The following SNX13 variants were observed in gnomAD, a reference collection of about 807,000 sequenced individuals.
The protein encoded by SNX13 is sorting nexin 13.
A neutral mutation model predicts 133.6 loss-of-function variants in SNX13; 45 were observed. The observed-to-expected ratio is 0.34, with a 90% CI of 0.27 to 0.43. The LOEUF is 0.43. Among genes scored for constraint, SNX13 ranks in the 20% least tolerant of loss-of-function variants. The pLI is 1.00. For synonymous variants in SNX13, 414 were observed against 373.9 expected, an observed-to-expected ratio of 1.11 and a Z score of -1.24; for missense variants, 1,032 against 1,145.1, an observed-to-expected ratio of 0.90 and a Z score of 1.43.
chr7:17,875,566 A>C lies in SNX13; in HGVS notation c.578T>G (p.Leu193Arg). 6.2e-7 allele frequency: 1 copy of C among 1,612,114 alleles called. No individual in the cohort carries two copies. The highest frequency in any genetic ancestry group is 8.5e-7 in the Non-Finnish European group (1 of 1,179,578). Reference sequence around the variant, plus strand: ...TTCAACTTCAAAGAAGGTATCTACAAGATCTTCTGCTGTACCTAAAGAAAA... The same window carrying C: ...TTCAACTTCAAAGAAGGTATCTACACGATCTTCTGCTGTACCTAAAGAAAA... Reference protein sequence around the residue: ...DDQVKGTAEDLVDTFFEVEVE... With the variant: ...DDQVKGTAEDRVDTFFEVEVE... The change falls in exon 7 of 26, where the codon CTT (leucine) becomes CGT (arginine). Residue 193 changes from leucine to arginine, a missense_variant. Transcript: ENST00000428135.
At chr7:17,922,756 T>C (rs1800266688) in intron 1 of SNX13, among the ~76,000 whole-genome samples, 1 of 91,930 alleles carries the variant, frequency 1.1e-5, no homozygotes, top group African/African-American at 6.7e-5. Context: ...CAAAAACTAC[T>C]GGGAAAAAAA....
chr7:17,847,152 C>G (rs1166297566), intron 11 of SNX13, among the ~76,000 whole-genome samples: 2 of 152,106 alleles, frequency 1.3e-5, no homozygotes, highest in Non-Finnish European at 2.9e-5. Flanking sequence ...AAGAAAAGCA[C>G]AAGTGAAACC....
At chr7:17,820,795 CTGAA>C (rs1160571527) in intron 18 of SNX13, among the ~76,000 whole-genome samples, 4 of 152,004 alleles carry the variant, frequency 2.6e-5, no homozygotes, top group African/African-American at 9.7e-5. Flanking sequence ...CCTAAAATCC[CTGAA>C]TGAGTCAGAC....
intron 20 of SNX13, among the ~76,000 whole-genome samples, chr7:17,806,232 T>A (rs886766957): frequency 6.6e-6 from 1 of 152,078 alleles, no homozygotes; most frequent in Non-Finnish European, 1.5e-5. Flanking sequence ...CAAAACTGGA[T>A]AGAAAGATAC....
chr7:17,834,866 CT>C lies in SNX13; in HGVS notation c.1360-2del. The C allele has an allele frequency of 6.4e-7, 1 of 1,561,310 alleles. No homozygotes were observed. Among genetic ancestry groups the C allele is most frequent in the Non-Finnish European group, 8.8e-7 (1 of 1,137,140 alleles). On this transcript the variant is annotated splice_acceptor_variant, in intron 13 of 25. Coordinates refer to ENST00000428135, the MANE Select transcript of SNX13 (RefSeq NM_015132.5). LOFTEE classifies it high-confidence loss of function. ...CATCAACAGTAACTCTTGGAGATGC[CT>C]AACAGAGAAAAATAATAGTAATGAT...
chr7:17,832,078 T>C, intron 15 of SNX13: 3 of 982,824 alleles, frequency 3.1e-6, no homozygotes, highest in South Asian at 4.7e-5. Context: ...TACATAAGTA[T>C]ATAATCTCAA....
At chr7:17,801,026 A>ATATATG (rs1554302631) in intron 22 of SNX13, among the ~76,000 whole-genome samples, 2 of 16,938 alleles carry the variant, frequency 1.2e-4, no homozygotes, top group African/African-American at 3.1e-4. Context: ...ATATATATAT[A>ATATATG]TATATATATA....
At chr7:17,853,462 G>C (rs1367572817) in intron 9 of SNX13, among the ~76,000 whole-genome samples, 1 of 152,176 alleles carries the variant, frequency 6.6e-6, no homozygotes, top group African/African-American at 2.4e-5. Context: ...ATTACATAGA[G>C]GGGATCAATT....
chr7:17,839,042 ATAT>A lies in SNX13; in HGVS notation c.1359+762_1359+764del, dbSNP rs559891532. 5.8e-3 allele frequency among the ~76,000 whole-genome samples: 867 copies of A among 149,832 alleles called. 2 individuals carry two copies. Among genetic ancestry groups the A allele is most frequent in the Non-Finnish European group, 9.6e-3 (649 of 67,414 alleles). The stretch of plus-strand genomic sequence containing the variant: ...TTGTTATTAGATTAGAATTATTACA[ATAT>A]TATTAGATTACATTATTAGAATACA... On this transcript the variant is annotated intron_variant, in intron 13 of 25. Coordinates refer to ENST00000428135, the MANE Select transcript of SNX13 (RefSeq NM_015132.5).
At chr7:17,861,418 C>T (rs1019024924) in intron 9 of SNX13, among the ~76,000 whole-genome samples, 1 of 151,486 alleles carries the variant, frequency 6.6e-6, no homozygotes, top group Non-Finnish European at 1.5e-5. Context: ...CAGCCCACAC[C>T]AGGAAGAGGC....
intron 1 of SNX13, among the ~76,000 whole-genome samples, chr7:17,898,609 A>G (rs943228256): frequency 2.1e-4 from 32 of 152,212 alleles, no homozygotes; most frequent in Non-Finnish European, 4.3e-4. Context: ...ATAAGTTTAC[A>G]TTCCAGAAGT....
At chr7:17,889,408 A>G (rs1044779874) in intron 5 of SNX13, 5 of 152,168 alleles carry the variant, frequency 3.3e-5, no homozygotes, top group Admixed American at 1.3e-4. Flanking sequence ...ATCAATGGAG[A>G]TAGAGGAAAG....
At chr7:17,913,345 G>T (rs1360910328) in intron 1 of SNX13, among the ~76,000 whole-genome samples, 1 of 152,160 alleles carries the variant, frequency 6.6e-6, no homozygotes, top group Non-Finnish European at 1.5e-5. Flanking sequence ...AACGGGGTCT[G>T]AAAGGGGCCA....
chr7:17,794,009 T>C lies in SNX13; in HGVS notation c.*36A>G, dbSNP rs780829709. 2.5e-6 allele frequency: 4 copies of C among 1,603,722 alleles called. No individual in the cohort carries two copies. Among genetic ancestry groups the C allele is most frequent in the Middle Eastern group, 1.7e-4 (1 of 5,988 alleles). ...GAAGATCTGTCCATACCATTAGTCC[T>C]GGACAAAATGAACACCAGCTTCATA... On this transcript the variant is annotated 3_prime_UTR_variant, in exon 26 of 26. Coordinates refer to ENST00000428135, the MANE Select transcript of SNX13 (RefSeq NM_015132.5).
At chr7:17,842,623 G>A (rs375248904) in intron 12 of SNX13, among the ~76,000 whole-genome samples, 8 of 151,858 alleles carry the variant, frequency 5.3e-5, no homozygotes, top group East Asian at 3.9e-4. Context: ...CTGGAAAGAC[G>A]AATACGATTT....
At chr7:17,881,323 C>G (rs1370073915) in intron 5 of SNX13, 1 of 151,404 alleles carries the variant, frequency 6.6e-6, no homozygotes, top group Non-Finnish European at 1.5e-5. Flanking sequence ...AAGGTATATA[C>G]ATATACACAT....
intron 1 of SNX13, among the ~76,000 whole-genome samples, chr7:17,902,153 C>T (rs1797904453): frequency 6.6e-6 from 1 of 151,448 alleles, no homozygotes. Flanking sequence ...AAACCAAAGT[C>T]CTATTCATTC....
Position 17,891,571 on chromosome 7 carries a change from T to C in SNX13, c.293A>G (p.Asn98Ser), listed in dbSNP as rs748386670. 7.4e-6 allele frequency: 12 copies of C among 1,612,532 alleles called. No homozygotes were observed. In the Admixed American group the frequency reaches 1.3e-4, roughly 18 times the overall value. The change falls in exon 4 of 26, where the codon AAT (asparagine) becomes AGT (serine). Residue 98 changes from asparagine to serine, a missense_variant. Coordinates refer to ENST00000428135, the MANE Select transcript of SNX13 (RefSeq NM_015132.5). Reference sequence around the variant, plus strand: ...TTGCTGGAGAGGTTCATCAATTATATTGGCACCCGTCAATCTTCTATCAAT... The same window carrying C: ...TTGCTGGAGAGGTTCATCAATTATACTGGCACCCGTCAATCTTCTATCAAT... ...IKIDRRLTGA[N>S]IIDEPLQQVI...
At chr7:17,801,940 T>A (rs761271755) in intron 21 of SNX13, among the ~76,000 whole-genome samples, 6 of 152,004 alleles carry the variant, frequency 3.9e-5, no homozygotes, top group African/African-American at 9.7e-5. Context: ...CTAAGAAAGG[T>A]CAAATGACTT....
Sources: allele counts gnomAD v4.1 joint callset (sites outside exome capture counted in the v4.1 genomes callset), GRCh38; gene constraint gnomAD v4.1.1; transcripts MANE v1.5; gene names NCBI Gene and HGNC (gene_info 2026-07-23, HGNC 2026-07-21).